NETO1: variants seen among roughly 807,000 people sequenced by gnomAD.
The protein encoded by NETO1 is neuropilin and tolloid-like protein 1.
A neutral mutation model predicts 61.3 loss-of-function variants in NETO1; 26 were observed. The ratio of observed to expected loss-of-function variants is 0.42; its 90% CI spans 0.31 to 0.59. The LOEUF (loss-of-function observed/expected upper bound fraction) is 0.59. Among genes scored for constraint, NETO1 ranks in the 20% least tolerant of loss-of-function variants. The pLI, the probability that NETO1 is intolerant of heterozygous loss-of-function variation, is 0.12. For missense variants in NETO1, 531 were observed against 662.8 expected (o/e 0.80, Z 2.18); for synonymous variants, 225 against 225.8 (o/e 1.00, Z 0.03).
intron 4 of NETO1, among the ~76,000 whole-genome samples, chr18:72,848,963 AT>A (rs201983119): frequency 1.3e-5 from 2 of 152,070 alleles, no homozygotes; most frequent in East Asian, 1.9e-4. Context: ...TCTTCATAGA[AT>A]TTTTTTTCTA....
chr18:72,850,459 A>T (rs73474064), intron 4 of NETO1, among the ~76,000 whole-genome samples: 7,137 of 152,266 alleles, frequency 0.047, 566 homozygotes, highest in African/African-American at 0.16. Flanking sequence ...TCCTTGATTT[A>T]GTTTTCAAAT....
rs11151805 is a variant in NETO1 at position 72,827,814 on chromosome 18, G to A, written c.469+31012C>T. 9.6e-3 allele frequency among the ~76,000 whole-genome samples: 1,463 copies of A among 152,010 alleles called. 32 individuals are homozygous for A. The highest frequency in any genetic ancestry group is 0.033 in the African/African-American group (1,359 of 41,472). On this transcript the variant is annotated intron_variant, in intron 4 of 10. Coordinates refer to ENST00000327305, the MANE Select transcript of NETO1 (RefSeq NM_138966.5). ...GAAAGGGACAGTTGCTCTGACTTACGACTCCTACAGCAATACTTCTGTGAG... is the reference window on the plus strand; with the variant it reads ...GAAAGGGACAGTTGCTCTGACTTACAACTCCTACAGCAATACTTCTGTGAG...
intron 4 of NETO1, among the ~76,000 whole-genome samples, chr18:72,853,956 T>C (rs1270508550): frequency 6.6e-6 from 1 of 152,134 alleles, no homozygotes; most frequent in Non-Finnish European, 1.5e-5. Flanking sequence ...TTAATACATA[T>C]ATATTCACGT....
At chr18:72,812,723 G>T (rs1384772266) in intron 4 of NETO1, among the ~76,000 whole-genome samples, 2 of 152,072 alleles carry the variant, frequency 1.3e-5, no homozygotes, top group Non-Finnish European at 2.9e-5. Flanking sequence ...CTCTGATGCT[G>T]CCAACTTCTT....
At chr18:72,834,921 TATAAA>T (rs1243823135) in intron 4 of NETO1, 2 of 760,212 alleles carry the variant, frequency 2.6e-6, no homozygotes, top group Non-Finnish European at 3.2e-6. Context: ...TAATATCATA[TATAAA>T]ATAACATTTA....
intron 8 of NETO1, 67 bp downstream of exon 8, chr18:72,755,967 A>T: frequency 1.3e-6 from 1 of 750,970 alleles, no homozygotes; most frequent in Non-Finnish European, 2.4e-6. Context: ...TCTGATTGAT[A>T]CATATAAACT....
intron 4 of NETO1, chr18:72,833,927 G>A (rs2073659718): frequency 5.9e-6 from 1 of 170,110 alleles, no homozygotes; most frequent in African/African-American, 2.4e-5. Context: ...TTGAAAATAT[G>A]TATTTTCACA....
At chr18:72,753,562 C>A (rs1379033305) in intron 8 of NETO1, among the ~76,000 whole-genome samples, 1 of 152,082 alleles carries the variant, frequency 6.6e-6, no homozygotes, top group African/African-American at 2.4e-5. Context: ...TGTTGAAAAC[C>A]AGTGAGTTCA....
intron 8 of NETO1, among the ~76,000 whole-genome samples, chr18:72,753,023 A>G (rs761886568): frequency 5.9e-5 from 9 of 152,088 alleles, no homozygotes; most frequent in Admixed American, 5.9e-4. Context: ...AAAATGTGGC[A>G]AATCAACAAG....
intron 6 of NETO1, among the ~76,000 whole-genome samples, chr18:72,789,237 CACACACACACACAT>C (rs139957488): frequency 0.19 from 28,449 of 151,290 alleles, 3,294 homozygotes; most frequent in South Asian, 0.28. Context: ...CACACACACA[CACACACACACACAT>C]GTGCACAGCA....
At chr18:72,767,325 A>G (rs2071200472) in intron 7 of NETO1, among the ~76,000 whole-genome samples, 1 of 152,240 alleles carries the variant, frequency 6.6e-6, no homozygotes, top group Admixed American at 6.5e-5. Flanking sequence ...AGACACATTA[A>G]TATGTATTAT....
chr18:72,867,710 G>A lies in NETO1; in HGVS notation c.-419C>T, dbSNP rs2074784037. 1 of 150,106 alleles carries A rather than the reference G, an allele frequency of 6.7e-6. No individual in the cohort carries two copies. Among genetic ancestry groups the A allele is most frequent in the African/African-American group, 2.4e-5 (1 of 41,120 alleles). The allele number at this position is 150,106 out of a possible 1,614,324, so 9.3% of individuals were successfully genotyped here. ...GCGAGCCCCGGGACGCCCCGAGCCG[G>A]GGCCGGGGCCGGGGAGAGGGCGCAG... On this transcript the variant is annotated 5_prime_UTR_variant, in exon 1 of 11. Transcript: ENST00000327305.
intron 8 of NETO1, 118 bp from the exon 9 acceptor site, chr18:72,750,738 A>T: frequency 1.6e-6 from 1 of 639,276 alleles, no homozygotes; most frequent in African/African-American, 1.8e-5. Flanking sequence ...CTGAGCACAG[A>T]ATTTTTACAG....
chr18:72,774,955 G>T (rs1388352105), intron 7 of NETO1, among the ~76,000 whole-genome samples: 1 of 152,058 alleles, frequency 6.6e-6, no homozygotes, highest in Non-Finnish European at 1.5e-5. Context: ...GATTTTCTTT[G>T]TCTTGTCCCT....
At chr18:72,807,681 C>T (rs1019130490) in intron 4 of NETO1, among the ~76,000 whole-genome samples, 6 of 150,878 alleles carry the variant, frequency 4.0e-5, no homozygotes, top group South Asian at 2.1e-4. Context: ...ATCAGACGAT[C>T]AAAAATGGGC....
intron 4 of NETO1, among the ~76,000 whole-genome samples, chr18:72,806,141 T>C (rs1341163057): frequency 1.3e-5 from 2 of 152,142 alleles, no homozygotes; most frequent in Non-Finnish European, 2.9e-5. Context: ...CTGTGATTAG[T>C]TCTTCCAAGC....
chr18:72,769,890 T>C (rs188968081), intron 7 of NETO1, among the ~76,000 whole-genome samples: 5 of 152,238 alleles, frequency 3.3e-5, no homozygotes, highest in African/African-American at 4.8e-5. Flanking sequence ...TGCTTATAAA[T>C]ATGGACTCAT....
intron 3 of NETO1, among the ~76,000 whole-genome samples, chr18:72,859,339 A>G (rs576430261): frequency 6.6e-6 from 1 of 152,336 alleles, no homozygotes; most frequent in African/African-American, 2.4e-5. Flanking sequence ...CGCAGGACTA[A>G]CAAAGCACAG....
chr18:72,802,273 G>A (rs2072532867), intron 4 of NETO1, among the ~76,000 whole-genome samples: 1 of 151,986 alleles, frequency 6.6e-6, no homozygotes, highest in Non-Finnish European at 1.5e-5. Flanking sequence ...CAGTTATTGT[G>A]AGACCTTGGT....
Sources: gnomAD v4.1 joint callset for allele counts (sites outside exome capture counted in the v4.1 genomes callset) on GRCh38, gnomAD v4.1.1 for gene constraint, MANE v1.5 for transcripts, NCBI Gene and HGNC (gene_info 2026-07-23, HGNC 2026-07-21) for gene names.